CFAP43: variants seen among roughly 807,000 people sequenced by gnomAD.
CFAP43 encodes cilia- and flagella-associated protein 43.
CFAP43 carries 155 observed loss-of-function variants against 218.9 expected under a neutral mutation model. The ratio of observed to expected loss-of-function variants is 0.71; its 90% confidence interval spans 0.62 to 0.81. The LOEUF (loss-of-function observed/expected upper bound fraction) is 0.81, where lower values mean the gene tolerates loss of function less well. Ranked by LOEUF, CFAP43 falls within the 30% of genes least tolerant of loss-of-function variation. The pLI is 0.00. For missense variants in CFAP43, 1,778 were observed against 1,954.3 expected (o/e 0.91, Z 1.70); for synonymous variants, 645 against 681.3 (o/e 0.95, Z 0.83).
intron 19 of CFAP43, among the ~76,000 whole-genome samples, chr10:104,176,848 T>C (rs1445091999): frequency 3.9e-5 from 6 of 152,220 alleles, no homozygotes; most frequent in Non-Finnish European, 8.8e-5. Flanking sequence ...TGTGCCACTA[T>C]GTTTTTCTGA....
chr10:104,189,670 T>TCC (rs2090142058), intron 12 of CFAP43, among the ~76,000 whole-genome samples: 1 of 152,092 alleles, frequency 6.6e-6, no homozygotes, highest in Admixed American at 6.6e-5. Flanking sequence ...AGGGTTCTAT[T>TCC]CCCAGCTTCT....
intron 36 of CFAP43, 134 bp downstream of exon 36, chr10:104,131,982 A>C (rs1398606047): frequency 1.7e-6 from 1 of 582,230 alleles, no homozygotes; most frequent in African/African-American, 1.9e-5. Flanking sequence ...AGGGACTTTT[A>C]ATTACCTCAT....
intron 27 of CFAP43, among the ~76,000 whole-genome samples, chr10:104,157,775 T>TGTGTGAGAGAGAGA (rs1484523345): frequency 4.8e-4 from 43 of 90,154 alleles, no homozygotes; most frequent in South Asian, 3.9e-3. Flanking sequence ...TGTGTGTGTG[T>TGTGTGAGAGAGAGA]GAGAGAGAGA....
intron 3 of CFAP43, among the ~76,000 whole-genome samples, chr10:104,215,349 G>C (rs988379235): frequency 2.0e-5 from 3 of 152,068 alleles, no homozygotes; most frequent in Non-Finnish European, 2.9e-5. Flanking sequence ...TAGGAAACTG[G>C]AGCTAATATT....
rs111245625 is a variant in CFAP43 at position 104,176,073 on chromosome 10, A to G, written c.2460+2956T>C. On this transcript the variant is annotated intron_variant, in intron 19 of 37. Transcript: ENST00000357060. ...ACATAAAAAGGCCAATTTTTTTTAA[A>G]GAAGGGCAAAAGGAGAATTATTCTC... 8.1e-3 allele frequency among the ~76,000 whole-genome samples: 1,232 copies of G among 152,298 alleles called. 14 individuals carry two copies. The highest frequency in any genetic ancestry group is 0.025 in the African/African-American group (1,029 of 41,562).
chr10:104,191,476 C>A (rs1288397748), intron 12 of CFAP43, among the ~76,000 whole-genome samples: 1 of 152,100 alleles, frequency 6.6e-6, no homozygotes, highest in Non-Finnish European at 1.5e-5. Flanking sequence ...ATCCTCCGCA[C>A]CCCCTGACCA....
chr10:104,140,847 T>C lies in CFAP43; in HGVS notation c.4426A>G (p.Ile1476Val). 1 of 1,590,572 alleles carries C rather than the reference T, an allele frequency of 6.3e-7. No homozygotes were observed. Among genetic ancestry groups the C allele is most frequent in the Non-Finnish European group, 8.5e-7 (1 of 1,173,098 alleles). The change falls in exon 34 of 38, where the codon ATT (isoleucine) becomes GTT (valine). Residue 1476 changes from isoleucine (I) to valine (V), a missense_variant. By Grantham distance (29) the Ile-to-Val change is conservative. Around this residue, in one of 3 missense-constraint regions of CFAP43, gnomAD observed 211 missense variants for 230.6 expected, o/e 0.91. Coordinates refer to ENST00000357060, the MANE Select transcript of CFAP43 (RefSeq NM_025145.7). ...AAAATAAAAAGTATAATTACCCGAATCACAGAATTCAAGTCTTCAATTATG... is the reference window on the plus strand; with the variant it reads ...AAAATAAAAAGTATAATTACCCGAACCACAGAATTCAAGTCTTCAATTATG... ...KNIIEDLNSV[I>V]RTQGQKKVAS...
At position 104,230,524 on chromosome 10, in the gene CFAP43, T is replaced by C. The variant is rs573631351; in HGVS notation, c.319+66A>G. ...TCAAAAAATAAATCTTCACTTATAATAGATTTAGTCAACTCTTTAAACAAA... is the reference window on the plus strand; with the variant it reads ...TCAAAAAATAAATCTTCACTTATAACAGATTTAGTCAACTCTTTAAACAAA... On this transcript the variant is annotated intron_variant, in intron 2 of 37. Coordinates refer to ENST00000357060, the MANE Select transcript of CFAP43 (RefSeq NM_025145.7). 63 of 1,524,290 alleles carry C rather than the reference T, an allele frequency of 4.1e-5. 1 individual carries two copies. The African/African-American group carries it at 7.4e-4, about 18-fold the overall frequency. The allele number at this position is 1,524,290 out of a possible 1,614,324, so 94.4% of individuals were successfully genotyped here. A position where few individuals can be genotyped will look rare whatever the true frequency, so the allele number is the denominator to read the frequency against.
intron 32 of CFAP43, 40 bp downstream of exon 32, chr10:104,143,386 T>A: frequency 6.5e-7 from 1 of 1,539,708 alleles, no homozygotes; most frequent in Non-Finnish European, 8.8e-7. Context: ...TATTTGATAT[T>A]AGTACACTAA....
rs72823950 is a variant in CFAP43, at chr10:104,177,304, G to A, written c.2460+1725C>T. Among the ~76,000 whole-genome samples the A allele has an allele frequency of 3.0e-3, 456 of 152,234 alleles. 2 individuals are homozygous for A. Among genetic ancestry groups the A allele is most frequent in the Non-Finnish European group, 4.0e-3 (275 of 68,016 alleles). On this transcript the variant is annotated intron_variant, in intron 19 of 37. Coordinates refer to ENST00000357060, the MANE Select transcript of CFAP43 (RefSeq NM_025145.7). ...GATAAAGCATTAGGCTACCAACTGC[G>A]GGCTCGGGAAGCCATCTCTGCTCGT...
rs540736268 is a variant in CFAP43, at chr10:104,146,248, GACA to G, written c.3855+12_3855+14del. The G allele has an allele frequency of 3.7e-6, 6 of 1,609,314 alleles. No homozygotes were observed. The highest frequency in any genetic ancestry group is 5.1e-6 in the Non-Finnish European group (6 of 1,175,806). ...CTCTACTGCATTGTTGAGTGGGTAAGACAACAACTCTCACTTTGTCTTCTGCCA... is the reference window on the plus strand; with the variant it reads ...CTCTACTGCATTGTTGAGTGGGTAAGACAACTCTCACTTTGTCTTCTGCCA... On this transcript the variant is annotated intron_variant, in intron 30 of 37. Coordinates refer to ENST00000357060, the MANE Select transcript of CFAP43 (RefSeq NM_025145.7).
intron 34 of CFAP43, among the ~76,000 whole-genome samples, chr10:104,133,989 A>G (rs925996308): frequency 2.0e-5 from 3 of 152,226 alleles, no homozygotes; most frequent in African/African-American, 7.2e-5. Context: ...AGGGATTATA[A>G]GATACATTTA....
rs879152720 is a variant in CFAP43 at position 104,172,443 on chromosome 10, C to A, written c.2553G>T (p.Arg851Ser). 1 of 1,609,532 alleles carries A rather than the reference C, an allele frequency of 6.2e-7. No individual in the cohort carries two copies. The highest frequency in any genetic ancestry group is 2.2e-5 in the East Asian group (1 of 44,574). ...CTTCTTCCTGACTTTCATCATGAAG[C>A]CTTTCTAGTTCCTCAAGATCCAGAC... ...EFGLDLEELE[R>S]LHDESQEEVA... The change falls in exon 20 of 38, where the codon AGG becomes AGT. Residue 851 changes from arginine to serine, a missense_variant. By Grantham distance (110) the Arg-to-Ser change is moderately radical (BLOSUM62 -1). Transcript: ENST00000357060.
intron 5 of CFAP43, among the ~76,000 whole-genome samples, chr10:104,210,307 T>C (rs1186786535): frequency 1.3e-5 from 2 of 152,268 alleles, no homozygotes; most frequent in African/African-American, 4.8e-5. Flanking sequence ...ACCCTTTCTC[T>C]TGCTTGCCAC....
chr10:104,231,746 G>A (rs1444524641), intron 1 of CFAP43, among the ~76,000 whole-genome samples: 2 of 152,178 alleles, frequency 1.3e-5, no homozygotes, highest in Non-Finnish European at 2.9e-5. Flanking sequence ...GTGGATAGGA[G>A]TTAGAAGGAA....
At chr10:104,134,358 A>C (rs2087338329) in intron 34 of CFAP43, among the ~76,000 whole-genome samples, 1 of 152,190 alleles carries the variant, frequency 6.6e-6, no homozygotes, top group Non-Finnish European at 1.5e-5. Flanking sequence ...TGTTCATGCC[A>C]CTGCACTCCA....
chr10:104,187,205 G>C, intron 14 of CFAP43, 115 bp downstream of exon 14: 1 of 722,624 alleles, frequency 1.4e-6, no homozygotes, highest in Non-Finnish European at 2.0e-6. Flanking sequence ...TAAAATGAAG[G>C]CATTTGTTAA....
intron 6 of CFAP43, among the ~76,000 whole-genome samples, chr10:104,206,340 TTGC>T (rs1256671625): frequency 1.2e-4 from 19 of 152,076 alleles, no homozygotes; most frequent in African/African-American, 3.9e-4. Context: ...TGGGGAAAAC[TTGC>T]TGGAGGGGGT....
chr10:104,197,859 ATT>A, intron 9 of CFAP43, 61 bp downstream of exon 9: 1 of 1,159,550 alleles, frequency 8.6e-7, no homozygotes, highest in Non-Finnish European at 1.3e-6. Context: ...ATAAATGGGG[ATT>A]TAAATCTTGC....
Sources: gnomAD v4.1 joint callset for allele counts (sites outside exome capture counted in the v4.1 genomes callset) on GRCh38, gnomAD v4.1.1 for gene constraint, gnomAD v4.1.1 regional missense constraint, MANE v1.5 for transcripts, NCBI Gene and HGNC (gene_info 2026-07-23, HGNC 2026-07-21) for gene names.